SEMA4B: variants seen among roughly 807,000 people sequenced by gnomAD.
SEMA4B encodes semaphorin-4B.
A neutral mutation model predicts 88.1 loss-of-function variants in SEMA4B; 55 were observed. That is an observed-to-expected ratio of 0.62 (90% CI 0.50 to 0.78). The LOEUF (loss-of-function observed/expected upper bound fraction) is 0.78. SEMA4B is among the 30% of genes least tolerant of loss of function. SEMA4B has a pLI of 0.00. For synonymous variants in SEMA4B, 525 were observed against 473.6 expected (o/e 1.11, Z -1.41); for missense variants, 1,062 against 1,111.9 (o/e 0.96, Z 0.64).
chr15:90,215,257 A>T (rs1961478995), intron 1 of SEMA4B, among the ~76,000 whole-genome samples: 1 of 150,392 alleles, frequency 6.6e-6, no homozygotes, highest in Admixed American at 6.6e-5. Context: ...ATTTCACATT[A>T]TATAAGGATA....
chr15:90,186,811 T>C (rs943027357), intron 1 of SEMA4B, among the ~76,000 whole-genome samples: 3 of 151,960 alleles, frequency 2.0e-5, no homozygotes, highest in Non-Finnish European at 4.4e-5. Flanking sequence ...TGGGCGCCTG[T>C]AGTCCCAGCT....
intron 3 of SEMA4B, 97 bp downstream of exon 3, chr15:90,217,926 C>A: frequency 9.6e-7 from 1 of 1,038,064 alleles, no homozygotes; most frequent in Non-Finnish European, 1.5e-6. Flanking sequence ...CAGATACAGC[C>A]AGGTATGGTG....
At chr15:90,221,126 GT>G (rs552532476) in intron 5 of SEMA4B, 33 bp downstream of exon 5, 1 of 1,477,826 alleles carries the variant, frequency 6.8e-7, no homozygotes, top group African/African-American at 1.4e-5. Flanking sequence ...CTTCATTGAG[GT>G]TCCATGTAGG....
Position 90,225,006 on chromosome 15 carries a change from A to T in SEMA4B, c.1233A>T (p.Ser411=). The change falls in exon 10 of 14, where the codon TCA becomes TCT. Residue 411 remains serine (S), a synonymous_variant. Coordinates refer to ENST00000411539, the MANE Select transcript of SEMA4B (RefSeq NM_198925.4). ...GTGCCCGGGAAAGGAAGATCAACTC[A>T]TCCCTGCAGCTCCCAGACCGCGTGC... ...TNSARERKIN[S]SLQLPDRVLN... 1 of 1,613,932 alleles carries T rather than the reference A, an allele frequency of 6.2e-7. No homozygotes were observed. The highest frequency in any genetic ancestry group is 8.5e-7 in the Non-Finnish European group (1 of 1,179,874).
At chr15:90,196,311 G>T (rs1385895795) in intron 1 of SEMA4B, among the ~76,000 whole-genome samples, 6 of 151,888 alleles carry the variant, frequency 4.0e-5, no homozygotes, top group Admixed American at 3.3e-4. Flanking sequence ...TTGTCTAATT[G>T]GTTAAGATTG....
intron 1 of SEMA4B, among the ~76,000 whole-genome samples, chr15:90,196,289 A>C (rs1198420740): frequency 6.6e-6 from 1 of 152,112 alleles, no homozygotes; most frequent in East Asian, 1.9e-4. Flanking sequence ...TCCCATTACT[A>C]TGATGCTACT....
At position 90,228,458 on chromosome 15, in the gene SEMA4B, C is replaced by T; in HGVS notation, c.2329C>T (p.Pro777Ser). The T allele has an allele frequency of 6.2e-7, 1 of 1,609,850 alleles. No individual in the cohort carries two copies. Among genetic ancestry groups the T allele is most frequent in the Non-Finnish European group, 8.5e-7 (1 of 1,178,632 alleles). ...PETRPLNGLG[P>S]PSTPLDHRGY... ...GACCCGCCCACTCAACGGCCTAGGG[C>T]CCCCTAGCACCCCGCTCGATCACCG... Residue 777 changes from proline (P) to serine (S), a missense_variant, in exon 14 of 14, where the codon CCC (proline) becomes TCC (serine). Transcript: ENST00000411539.
At chr15:90,185,593 C>T (rs1000720507) in intron 1 of SEMA4B, among the ~76,000 whole-genome samples, 5 of 152,130 alleles carry the variant, frequency 3.3e-5, no homozygotes, top group African/African-American at 9.7e-5. Context: ...AGCAGAAAGG[C>T]GAAGGAGCCC....
In SEMA4B at chr15:90,221,651, C is replaced by T; in HGVS notation, c.747C>T (p.Ser249=). Residue 249 remains serine, a synonymous_variant, in exon 7 of 14, where the codon AGC becomes AGT. Transcript: ENST00000411539. ...AFVASAYIPE[S]LGSLQGDDDK... ...TGGCCTCAGCCTACATTCCTGAGAG[C>T]CTGGGCAGCTTGCAAGGCGATGATG... 2 of 1,614,064 alleles carry T rather than the reference C, an allele frequency of 1.2e-6. No individual in the cohort carries two copies. The highest frequency in any genetic ancestry group is 1.3e-5 in the African/African-American group (1 of 75,072).
At chr15:90,205,320 A>C (rs545914918) in intron 1 of SEMA4B, among the ~76,000 whole-genome samples, 1 of 152,352 alleles carries the variant, frequency 6.6e-6, no homozygotes, top group Admixed American at 6.5e-5. Context: ...TTGAGCCCTC[A>C]GCCCGGTTAC....
At chr15:90,191,700 G>T (rs914519387) in intron 1 of SEMA4B, among the ~76,000 whole-genome samples, 2 of 152,234 alleles carry the variant, frequency 1.3e-5, no homozygotes, top group African/African-American at 4.8e-5. Context: ...CGGTAGCGGG[G>T]AAAATGGTTT....
chr15:90,216,259 C>T (rs187606880), intron 1 of SEMA4B, among the ~76,000 whole-genome samples: 3 of 152,248 alleles, frequency 2.0e-5, no homozygotes, highest in African/African-American at 7.2e-5. Context: ...TGAGCCACCA[C>T]GCCCAGCCCA....
chr15:90,208,502 C>G (rs1374874410), intron 1 of SEMA4B, among the ~76,000 whole-genome samples: 1 of 152,164 alleles, frequency 6.6e-6, no homozygotes, highest in Non-Finnish European at 1.5e-5. Flanking sequence ...TTGATGGTCA[C>G]TGACCCCTAA....
chr15:90,226,717 G>A (rs1159254940), intron 12 of SEMA4B, among the ~76,000 whole-genome samples: 2 of 152,116 alleles, frequency 1.3e-5, no homozygotes, highest in East Asian at 3.8e-4. Context: ...GATACACCTG[G>A]TGTCAGTTTT....
At chr15:90,189,116 G>T (rs745699650) in intron 1 of SEMA4B, among the ~76,000 whole-genome samples, 6 of 151,854 alleles carry the variant, frequency 4.0e-5, no homozygotes, top group Non-Finnish European at 8.8e-5. Context: ...AATGAAAGAA[G>T]GAAGTGGGGG....
intron 1 of SEMA4B, among the ~76,000 whole-genome samples, chr15:90,203,956 C>T (rs1175378152): frequency 2.6e-5 from 4 of 152,158 alleles, no homozygotes; most frequent in African/African-American, 9.7e-5. Flanking sequence ...GGAGTGCCCC[C>T]TCTCTGGGCT....
At chr15:90,203,758 T>C (rs1325866419) in intron 1 of SEMA4B, among the ~76,000 whole-genome samples, 1 of 152,104 alleles carries the variant, frequency 6.6e-6, no homozygotes, top group Non-Finnish European at 1.5e-5. Context: ...TGAAATGCAG[T>C]CCACACTCAG....
chr15:90,222,239 CATTTT>C (rs1346831459), intron 7 of SEMA4B, among the ~76,000 whole-genome samples: 2 of 113,906 alleles, frequency 1.8e-5, no homozygotes, highest in African/African-American at 8.9e-5. Context: ...TGCACCCAGC[CATTTT>C]TTTTCTTTTC....
At position 90,228,236 on chromosome 15, in the gene SEMA4B, G is replaced by A; in HGVS notation, c.2107G>A (p.Gly703Ser). 1 of 1,602,464 alleles carries A rather than the reference G, an allele frequency of 6.2e-7. No individual in the cohort carries two copies. Among genetic ancestry groups the A allele is most frequent in the Non-Finnish European group, 8.5e-7 (1 of 1,173,830 alleles). ...CACATCGCGTGTGAGTGCACCAGCT[G>A]GTGGCAAGGCCAGCTGGGGTGCAGA... ...ISTSRVSAPA[G>S]GKASWGADRS... The change falls in exon 14 of 14, where the codon GGT (glycine) becomes AGT (serine). Residue 703 changes from glycine (G) to serine (S), a missense_variant. By Grantham distance (56) the Gly-to-Ser change is moderately conservative (BLOSUM62 0). Coordinates refer to ENST00000411539, the MANE Select transcript of SEMA4B (RefSeq NM_198925.4).
Sources: gnomAD v4.1 joint callset for allele counts (sites outside exome capture counted in the v4.1 genomes callset) on GRCh38, gnomAD v4.1.1 for gene constraint, MANE v1.5 for transcripts, NCBI Gene and HGNC (gene_info 2026-07-23, HGNC 2026-07-21) for gene names.